Variants in ZNF518B observed in about 807,000 individuals in gnomAD.
The protein encoded by ZNF518B is zinc finger protein 518B.
A neutral mutation model predicts 56.3 loss-of-function variants in ZNF518B; 23 were observed. The ratio of observed to expected loss-of-function variants is 0.41; its 90% confidence interval spans 0.29 to 0.58. ZNF518B has a LOEUF of 0.58. Ranked by LOEUF, ZNF518B falls within the 20% of genes least tolerant of loss-of-function variation. The pLI is 0.32. For synonymous variants in ZNF518B, 529 were observed against 465.9 expected, an observed-to-expected ratio of 1.14 and a Z score of -1.74; for missense variants, 1,460 against 1,272.1, an observed-to-expected ratio of 1.15 and a Z score of -2.25.
intron 1 of ZNF518B, among the ~76,000 whole-genome samples, chr4:10,456,828 C>A (rs1238239737): frequency 6.6e-6 from 1 of 152,172 alleles, no homozygotes; most frequent in Non-Finnish European, 1.5e-5. Flanking sequence ...ACACTTCCTG[C>A]TCGGCGCGGA....
rs1003139546 is a variant in ZNF518B, at chr4:10,451,794, G to C, written c.-212+3011C>G. ...CATAGAAAAGATGCTCCACTTACAA[G>C]AGTACTCACTACAATTTAGGTTTAT... On this transcript the variant is annotated intron_variant, in intron 2 of 2. Transcript: ENST00000326756. 3.3e-5 allele frequency: 5 copies of C among 152,172 alleles called. No individual in the cohort carries two copies. In the South Asian group the frequency reaches 1.0e-3, roughly 31 times the overall value. The allele number at this position is 152,172 out of a possible 1,614,324, so 9.4% of individuals were successfully genotyped here.
chr4:10,460,325 C>CAAAAATAAA (rs1715707657), upstream of ZNF518B, among the ~76,000 whole-genome samples: 1 of 57,588 alleles, frequency 1.7e-5, no homozygotes, highest in Non-Finnish European at 2.6e-5. Flanking sequence ...AAAAAAAAAC[C>CAAAAATAAA]AAAAAAAAAA....
At chr4:10,456,809 C>T (rs568682450) in intron 1 of ZNF518B, among the ~76,000 whole-genome samples, 16 of 152,282 alleles carry the variant, frequency 1.1e-4, no homozygotes, top group Non-Finnish European at 2.4e-4. Flanking sequence ...TAAAAATGGC[C>T]TCCTGACGAC....
chr4:10,453,278 G>T (rs1715399479), intron 2 of ZNF518B: 1 of 152,180 alleles, frequency 6.6e-6, no homozygotes, highest in African/African-American at 2.4e-5. Context: ...AGGTAGAAGA[G>T]TCCAGTAATG....
rs112374580 is a variant in ZNF518B at position 10,441,409 on chromosome 4, C to T, written c.*1695G>A. On this transcript the variant is annotated 3_prime_UTR_variant, in exon 3 of 3. Transcript: ENST00000326756. ...AACAAACTGCAAAGGATTGCAATTCCATCTACTGGAATCTAAGACTTTCCC... is the reference window on the plus strand; with the variant it reads ...AACAAACTGCAAAGGATTGCAATTCTATCTACTGGAATCTAAGACTTTCCC... 6.9e-6 allele frequency: 1 copy of T among 144,952 alleles called. No homozygotes were observed. Among genetic ancestry groups the T allele is most frequent in the African/African-American group, 2.6e-5 (1 of 38,878 alleles). The allele number at this position is 144,952 out of a possible 1,614,324, so 9.0% of individuals were successfully genotyped here.
rs182334534 is a variant in ZNF518B, at chr4:10,447,743, G to A, written c.-211-1204C>T. On this transcript the variant is annotated intron_variant, in intron 2 of 2. Coordinates refer to ENST00000326756, the MANE Select transcript of ZNF518B (RefSeq NM_053042.3). ...TGGCTCACTGCAACCTCTGCCTCCA[G>A]GGTTCAAGCAATTCTCCTGCCTCAG... 2.0e-5 allele frequency among the ~76,000 whole-genome samples: 3 copies of A among 149,356 alleles called. No homozygotes were observed. In the East Asian group the frequency reaches 5.9e-4, roughly 30 times the overall value.
intron 2 of ZNF518B, chr4:10,453,946 G>A (rs759240904): frequency 1.3e-5 from 2 of 152,180 alleles, no homozygotes; most frequent in Non-Finnish European, 2.9e-5. Context: ...TTACTTGGAA[G>A]CTTCAAAAAT....
Position 10,441,990 on chromosome 4 carries a change from T to C in ZNF518B, c.*1114A>G, listed in dbSNP as rs1469596929. The C allele has an allele frequency of 6.6e-6, 1 of 152,156 alleles. No individual in the cohort carries two copies. The highest frequency in any genetic ancestry group is 2.4e-5 in the African/African-American group (1 of 41,434). The allele number at this position is 152,156 out of a possible 1,614,324, so 9.4% of individuals were successfully genotyped here. On this transcript the variant is annotated 3_prime_UTR_variant, in exon 3 of 3. Transcript: ENST00000326756. The stretch of plus-strand genomic sequence containing the variant: ...TTCCTGCCATTTTCTAGTAATCGCA[T>C]GAGGGAAAACCTTAAGGGGTCTCAA...
chr4:10,445,021 C>T lies in ZNF518B; in HGVS notation c.1308G>A (p.Arg436=). 2 of 1,614,146 alleles carry T rather than the reference C, an allele frequency of 1.2e-6. No individual in the cohort carries two copies. The highest frequency in any genetic ancestry group is 1.1e-5 in the South Asian group (1 of 91,080). The part of the protein sequence containing the change: ...QKQLKNVKWV[R]SYDFIMPNSS... ...AATTTGGCATAATAAAATCATAAGACCTTACCCATTTCACATTTTTAAGCT... is the reference window on the plus strand; with the variant it reads ...AATTTGGCATAATAAAATCATAAGATCTTACCCATTTCACATTTTTAAGCT... The change falls in exon 3 of 3, where the codon AGG becomes AGA. Residue 436 remains arginine (R), a synonymous_variant. Transcript: ENST00000326756.
At chr4:10,453,535 G>A (rs915919052) in intron 2 of ZNF518B, 5 of 150,800 alleles carry the variant, frequency 3.3e-5, no homozygotes, top group African/African-American at 1.2e-4. Flanking sequence ...AAAGAATTTA[G>A]AGTGCTTGAT....
chr4:10,447,869 T>G (rs4235363), intron 2 of ZNF518B, among the ~76,000 whole-genome samples: 150,972 of 152,184 alleles, frequency 0.99, 74,901 homozygotes, highest in East Asian at 1. Flanking sequence ...GGCTGGTCTT[T>G]AACCCCTGAC....
rs746678903 is a variant in ZNF518B at position 10,443,236 on chromosome 4, A to G, written c.3093T>C (p.Ser1031=). The change falls in exon 3 of 3, where the codon TCT becomes TCC. Residue 1031 remains serine (S), a synonymous_variant. Transcript: ENST00000326756. ...YQVVDSLPDD[S]SQCVFKCWFC... is the part of the protein sequence containing the mutation. ...ACCAGCACTTAAATACACACTGTGA[A>G]GAATCATCAGGCAAGGAATCCACTA... The G allele has an allele frequency of 6.2e-7, 1 of 1,614,212 alleles. No individual in the cohort carries two copies. Among genetic ancestry groups the G allele is most frequent in the South Asian group, 1.1e-5 (1 of 91,082 alleles).
Position 10,441,944 on chromosome 4 carries a change from G to C in ZNF518B, c.*1160C>G, listed in dbSNP as rs1344414392. ...TTCCTGTAACTTTAGCAAAAACAGTGGGAGGTCTCCATTTTGTTGATTCCT... is the reference window on the plus strand; with the variant it reads ...TTCCTGTAACTTTAGCAAAAACAGTCGGAGGTCTCCATTTTGTTGATTCCT... On this transcript the variant is annotated 3_prime_UTR_variant, in exon 3 of 3. Transcript: ENST00000326756. The C allele has an allele frequency of 1.3e-5, 2 of 152,212 alleles. No individual in the cohort carries two copies. The highest frequency in any genetic ancestry group is 2.9e-5 in the Non-Finnish European group (2 of 68,058). The allele number at this position is 152,212 out of a possible 1,614,324, so 9.4% of individuals were successfully genotyped here. A position where few individuals can be genotyped will look rare whatever the true frequency, so the allele number is the denominator to read the frequency against.
At position 10,446,402 on chromosome 4, in the gene ZNF518B, C is replaced by G. The variant is rs1715058614; in HGVS notation, c.-74G>C. 1.4e-6 allele frequency: 2 copies of G among 1,416,192 alleles called. No homozygotes were observed. Among genetic ancestry groups the G allele is most frequent in the Non-Finnish European group, 1.9e-6 (2 of 1,027,008 alleles). 87.7% of individuals were successfully genotyped at this position (1,416,192 alleles called of 1,614,324 possible). ...CATGATAAAATCCTTAGGAGATATC[C>G]TTCTATACAGTTTGTGATGGGTAGG... On this transcript the variant is annotated 5_prime_UTR_variant, in exon 3 of 3. Transcript: ENST00000326756.
chr4:10,460,325 C>CAAAAAAAAAAAAAAAAAAAAAAA (rs1043723933), upstream of ZNF518B, among the ~76,000 whole-genome samples: 14 of 57,596 alleles, frequency 2.4e-4, 4 homozygotes, highest in Middle Eastern at 0.013. Flanking sequence ...AAAAAAAAAC[C>CAAAAAAAAAAAAAAAAAAAAAAA]AAAAAAAAAA....
chr4:10,459,278 CAGCCTGAAAAA>C (rs1285335178), upstream of ZNF518B, among the ~76,000 whole-genome samples: 1 of 152,164 alleles, frequency 6.6e-6, no homozygotes, highest in Non-Finnish European at 1.5e-5. Context: ...GGAGTGTTTA[CAGCCTGAAAAA>C]GGGTCAAGGA....
At chr4:10,455,957 A>T (rs1392187792) in intron 1 of ZNF518B, among the ~76,000 whole-genome samples, 1 of 152,216 alleles carries the variant, frequency 6.6e-6, no homozygotes, top group Non-Finnish European at 1.5e-5. Context: ...CTGTGTACTG[A>T]CATCATATGC....
rs1301941323 is a variant in ZNF518B at position 10,444,647 on chromosome 4, A to C, written c.1682T>G (p.Ile561Ser). The C allele has an allele frequency of 6.2e-7, 1 of 1,614,096 alleles. No homozygotes were observed. Among genetic ancestry groups the C allele is most frequent in the Non-Finnish European group, 8.5e-7 (1 of 1,180,038 alleles). Reference protein sequence around the residue: ...NDLESTSKVNIPVKVVSSNRK... With the variant: ...NDLESTSKVNSPVKVVSSNRK... Reference sequence around the variant, plus strand: ...ATTAGAGGAAACCACTTTTACAGGAATATTGACTTTACTTGTAGATTCCAA... The same window carrying C: ...ATTAGAGGAAACCACTTTTACAGGACTATTGACTTTACTTGTAGATTCCAA... Residue 561 changes from isoleucine (I) to serine (S), a missense_variant, in exon 3 of 3, where the codon ATT (isoleucine) becomes AGT (serine). Ile to Ser is a moderately radical substitution (Grantham distance 142). Transcript: ENST00000326756.
chr4:10,459,978 C>A (rs1715691117), upstream of ZNF518B, among the ~76,000 whole-genome samples: 1 of 152,012 alleles, frequency 6.6e-6, no homozygotes, highest in African/African-American at 2.4e-5. Context: ...GATTTGGGAG[C>A]CAACGTTCAT....
Sources: gnomAD v4.1 joint callset for allele counts (sites outside exome capture counted in the v4.1 genomes callset) on GRCh38, gnomAD v4.1.1 for gene constraint, MANE v1.5 for transcripts, NCBI Gene and HGNC (gene_info 2026-07-23, HGNC 2026-07-21) for gene names.